The following EPHA5 variants were observed in gnomAD, a reference collection of about 807,000 sequenced individuals.
The protein encoded by EPHA5 is ephrin type-A receptor 5.
A neutral mutation model predicts 105.0 loss-of-function variants in EPHA5; 60 were observed. The observed-to-expected ratio is 0.57, with a 90% CI of 0.46 to 0.71. The LOEUF is 0.71. Among genes scored for constraint, EPHA5 ranks in the 30% least tolerant of loss-of-function variants. The pLI is 0.00. For missense variants in EPHA5, 1,218 were observed against 1,274.7 expected (o/e 0.96, Z 0.68); for synonymous variants, 513 against 449.1 (o/e 1.14, Z -1.80).
intron 8 of EPHA5, among the ~76,000 whole-genome samples, chr4:65,388,990 A>C (rs1247371121): frequency 1.3e-5 from 2 of 152,038 alleles, no homozygotes; most frequent in African/African-American, 2.4e-5. Context: ...TTCACTTATC[A>C]TGTAAATATT....
intron 5 of EPHA5, among the ~76,000 whole-genome samples, chr4:65,484,437 C>CACCT (rs1206047243): frequency 3.9e-5 from 6 of 152,098 alleles, no homozygotes; most frequent in Admixed American, 1.3e-4. Context: ...GTATAGGTAA[C>CACCT]ACCTACCTTG....
chr4:65,624,154 A>T (rs558797659), intron 2 of EPHA5, among the ~76,000 whole-genome samples: 1 of 152,268 alleles, frequency 6.6e-6, no homozygotes, highest in East Asian at 1.9e-4. Flanking sequence ...AAAAACCAAT[A>T]CTTATTTATA....
chr4:65,422,960 T>C (rs1011669764), intron 5 of EPHA5, among the ~76,000 whole-genome samples: 12 of 152,198 alleles, frequency 7.9e-5, no homozygotes, highest in African/African-American at 2.6e-4. Flanking sequence ...GTCCACAGTT[T>C]ATTCAGATTT....
chr4:65,460,217 A>T (rs1260955196), intron 5 of EPHA5, among the ~76,000 whole-genome samples: 1 of 151,566 alleles, frequency 6.6e-6, no homozygotes, highest in Non-Finnish European at 1.5e-5. Flanking sequence ...AGGGAACAGA[A>T]TTATGTTAAT....
At chr4:65,343,937 T>G (rs1721976423) in intron 14 of EPHA5, among the ~76,000 whole-genome samples, 1 of 152,044 alleles carries the variant, frequency 6.6e-6, no homozygotes, top group South Asian at 2.1e-4. Context: ...TACAGTTATC[T>G]GAAAGAGTAT....
intron 2 of EPHA5, among the ~76,000 whole-genome samples, chr4:65,612,825 G>A (rs148305016): frequency 6.6e-6 from 1 of 152,108 alleles, no homozygotes; most frequent in African/African-American, 2.4e-5. Flanking sequence ...TCTTCAAGTT[G>A]TCTATTCAGT....
chr4:65,578,090 A>G (rs897610995), intron 3 of EPHA5, among the ~76,000 whole-genome samples: 6 of 152,200 alleles, frequency 3.9e-5, no homozygotes, highest in African/African-American at 9.7e-5. Flanking sequence ...TTATATCAGT[A>G]TACCTATATC....
chr4:65,626,920 G>T (rs1746208988), intron 2 of EPHA5, among the ~76,000 whole-genome samples: 1 of 152,148 alleles, frequency 6.6e-6, no homozygotes, highest in South Asian at 2.1e-4. Context: ...CTGGAAAAAG[G>T]TAGACTTGAA....
Position 65,323,145 on chromosome 4 carries a change from A to C in EPHA5, c.*969T>G. On this transcript the variant is annotated 3_prime_UTR_variant, in exon 17 of 17. Transcript: ENST00000613740. ...AACTGCATTGTCACTGATATCACAA[A>C]ATGTTTTTAAAAAGCCAAAGGGGAT... 8.7e-6 allele frequency: 2 copies of C among 228,694 alleles called. No individual in the cohort carries two copies. The highest frequency in any genetic ancestry group is 1.7e-5 in the Non-Finnish European group (2 of 115,116). The allele number at this position is 228,694 out of a possible 1,614,324, so 14.2% of individuals were successfully genotyped here.
intron 16 of EPHA5, chr4:65,330,612 G>A: frequency 1.9e-6 from 1 of 530,526 alleles, no homozygotes; most frequent in Non-Finnish European, 2.5e-6. Context: ...TTGGGTAGAA[G>A]AAATACCTAC....
chr4:65,330,832 T>C (rs1347969796), intron 16 of EPHA5: 4 of 1,032,078 alleles, frequency 3.9e-6, no homozygotes, highest in African/African-American at 3.4e-5. Flanking sequence ...TATGATCTGG[T>C]GGACCGTGAG....
At chr4:65,328,250 A>C (rs886993243) in intron 16 of EPHA5, among the ~76,000 whole-genome samples, 2 of 151,254 alleles carry the variant, frequency 1.3e-5, no homozygotes, top group African/African-American at 2.4e-5. Flanking sequence ...GACAAAATTG[A>C]CTACTTTTAG....
intron 3 of EPHA5, among the ~76,000 whole-genome samples, chr4:65,557,124 T>G (rs1738524426): frequency 6.6e-6 from 1 of 151,050 alleles, no homozygotes; most frequent in African/African-American, 2.4e-5. Flanking sequence ...ATATGGAATA[T>G]TCTAGACTTG....
intron 3 of EPHA5, among the ~76,000 whole-genome samples, chr4:65,568,543 C>CT (rs929729077): frequency 2.0e-5 from 3 of 150,390 alleles, no homozygotes; most frequent in Non-Finnish European, 4.5e-5. Context: ...CAACGCATCC[C>CT]TTTTTTTTAA....
rs1726671259 is a variant in EPHA5 at position 65,447,570 on chromosome 4, A to G, written c.1403-27005T>C. On this transcript the variant is annotated intron_variant, in intron 5 of 16. Coordinates refer to ENST00000613740, the MANE Select transcript of EPHA5 (RefSeq NM_001281766.3). The stretch of plus-strand genomic sequence containing the variant: ...TTTATTGAAGCAAAAATTGACAAAA[A>G]CTGGAAGACCTCTAAATCTTACTAC... Among the ~76,000 whole-genome samples the G allele has an allele frequency of 4.0e-5, 6 of 151,668 alleles. No homozygotes were observed. The South Asian group carries it at 1.2e-3, about 31-fold the overall frequency.
chr4:65,504,524 A>T (rs778171472), intron 3 of EPHA5, among the ~76,000 whole-genome samples: 16 of 152,056 alleles, frequency 1.1e-4, no homozygotes, highest in South Asian at 4.1e-4. Flanking sequence ...AAGCTGAACT[A>T]ATTTCAGTTT....
At chr4:65,544,244 A>G (rs1358138114) in intron 3 of EPHA5, among the ~76,000 whole-genome samples, 1 of 152,128 alleles carries the variant, frequency 6.6e-6, no homozygotes, top group Non-Finnish European at 1.5e-5. Context: ...ATTAAACTAA[A>G]GAGCTTCTGC....
chr4:65,493,769 A>G (rs1197353784), intron 4 of EPHA5, among the ~76,000 whole-genome samples: 1 of 151,528 alleles, frequency 6.6e-6, no homozygotes, highest in Admixed American at 6.6e-5. Flanking sequence ...TTCCCCCCTC[A>G]CGCCCCACCC....
At chr4:65,467,033 G>T (rs1209592965) in intron 5 of EPHA5, among the ~76,000 whole-genome samples, 1 of 152,106 alleles carries the variant, frequency 6.6e-6, no homozygotes, top group South Asian at 2.1e-4. Context: ...TTACCATTGG[G>T]ACAAAAGAAG....
Sources: allele counts gnomAD v4.1 joint callset (sites outside exome capture counted in the v4.1 genomes callset), GRCh38; gene constraint gnomAD v4.1.1; transcripts MANE v1.5; gene names NCBI Gene and HGNC (gene_info 2026-07-23, HGNC 2026-07-21).